Variants in ATRNL1 observed in about 807,000 individuals in gnomAD.
ATRNL1 encodes the protein attractin like 1.
In ATRNL1, 95 loss-of-function variants were observed where a neutral mutation model predicts 182.7. The ratio of observed to expected loss-of-function variants is 0.52; its 90% CI spans 0.44 to 0.62. The LOEUF (loss-of-function observed/expected upper bound fraction) is 0.62. Among genes scored for constraint, ATRNL1 ranks in the 20% least tolerant of loss-of-function variants. ATRNL1 has a pLI of 0.00. For missense variants in ATRNL1, 1,471 were observed against 1,679.5 expected (o/e 0.88, Z 2.17); for synonymous variants, 576 against 568.3 (o/e 1.01, Z -0.19).
intron 26 of ATRNL1, among the ~76,000 whole-genome samples, chr10:115,702,743 A>C (rs1555051914): frequency 6.6e-6 from 1 of 151,968 alleles, no homozygotes; most frequent in Non-Finnish European, 1.5e-5. Context: ...AGGAGGTGAA[A>C]GATCTCTACA....
intron 8 of ATRNL1, among the ~76,000 whole-genome samples, chr10:115,180,806 T>C (rs1554887719): frequency 2.6e-5 from 4 of 151,868 alleles, no homozygotes; most frequent in Admixed American, 2.0e-4. Context: ...GTTAATACTG[T>C]ATGTGTGTGC....
intron 19 of ATRNL1, among the ~76,000 whole-genome samples, chr10:115,379,065 T>A (rs1403397538): frequency 2.0e-5 from 3 of 152,272 alleles, no homozygotes; most frequent in Middle Eastern, 3.4e-3. Context: ...TTCAATAACT[T>A]TTTTTGCATC....
intron 26 of ATRNL1, among the ~76,000 whole-genome samples, chr10:115,641,217 C>G (rs576675751): frequency 6.6e-6 from 1 of 152,258 alleles, no homozygotes; most frequent in South Asian, 2.1e-4. Flanking sequence ...ATAGTTGTAA[C>G]ATTATATTAA....
intron 27 of ATRNL1, among the ~76,000 whole-genome samples, chr10:115,799,789 T>C (rs1278604464): frequency 6.6e-6 from 1 of 152,220 alleles, no homozygotes; most frequent in Non-Finnish European, 1.5e-5. Context: ...GCACTACTTA[T>C]TGCATTATGG....
At chr10:115,554,428 A>G (rs1396972446) in intron 26 of ATRNL1, among the ~76,000 whole-genome samples, 2 of 151,606 alleles carry the variant, frequency 1.3e-5, no homozygotes, top group African/African-American at 4.8e-5. Flanking sequence ...AATAACTGAT[A>G]CTTACCTTGT....
chr10:115,184,398 A>G (rs1163587974), intron 8 of ATRNL1, among the ~76,000 whole-genome samples: 4 of 151,482 alleles, frequency 2.6e-5, no homozygotes, highest in African/African-American at 4.8e-5. Flanking sequence ...CTATGTATAT[A>G]ACTATATATA....
intron 20 of ATRNL1, among the ~76,000 whole-genome samples, chr10:115,401,857 A>G (rs1354464901): frequency 2.0e-5 from 3 of 152,152 alleles, no homozygotes; most frequent in Non-Finnish European, 4.4e-5. Flanking sequence ...TACCGCATAC[A>G]TTTTATATTA....
chr10:115,516,022 A>G (rs1220848030), intron 24 of ATRNL1, among the ~76,000 whole-genome samples: 1 of 151,760 alleles, frequency 6.6e-6, no homozygotes, highest in Non-Finnish European at 1.5e-5. Flanking sequence ...TCTGTCTCCT[A>G]GGGACTATCA....
chr10:115,606,221 A>C (rs1205770297), intron 26 of ATRNL1, among the ~76,000 whole-genome samples: 1 of 152,030 alleles, frequency 6.6e-6, no homozygotes, highest in Non-Finnish European at 1.5e-5. Flanking sequence ...TTCAGATAGC[A>C]ATTGTACACA....
At chr10:115,187,057 A>G (rs1400940591) in intron 8 of ATRNL1, among the ~76,000 whole-genome samples, 3 of 152,132 alleles carry the variant, frequency 2.0e-5, no homozygotes, top group Admixed American at 6.6e-5. Context: ...TAAAACTACA[A>G]TGATCTATGA....
chr10:115,286,587 A>T (rs1276926660), intron 15 of ATRNL1, among the ~76,000 whole-genome samples, 190 bp downstream of exon 15: 3 of 152,024 alleles, frequency 2.0e-5, no homozygotes, highest in Non-Finnish European at 4.4e-5. Context: ...GTAAATTATC[A>T]CTTTTTGCAG....
intron 26 of ATRNL1, among the ~76,000 whole-genome samples, chr10:115,561,770 T>C (rs1853765240): frequency 6.6e-6 from 1 of 151,250 alleles, no homozygotes; most frequent in South Asian, 2.1e-4. Flanking sequence ...CTCAACAATG[T>C]TAGCATTAGC....
intron 20 of ATRNL1, among the ~76,000 whole-genome samples, chr10:115,417,443 T>C (rs1032972592): frequency 2.6e-5 from 4 of 152,220 alleles, no homozygotes; most frequent in African/African-American, 9.6e-5. Flanking sequence ...AGTACCCAGG[T>C]TGTCATCTCA....
intron 27 of ATRNL1, among the ~76,000 whole-genome samples, chr10:115,731,273 A>G (rs1240384982): frequency 2.0e-5 from 3 of 152,138 alleles, no homozygotes; most frequent in Non-Finnish European, 2.9e-5. Flanking sequence ...ATCGGTACCA[A>G]TCTATCCAGG....
chr10:115,222,535 T>C (rs1554897676), intron 9 of ATRNL1, among the ~76,000 whole-genome samples: 1 of 151,880 alleles, frequency 6.6e-6, no homozygotes, highest in Non-Finnish European at 1.5e-5. Flanking sequence ...AACCAAAACA[T>C]GAAGACAAAA....
intron 26 of ATRNL1, among the ~76,000 whole-genome samples, chr10:115,659,730 ATG>A (rs1860557039): frequency 1.3e-5 from 2 of 152,162 alleles, no homozygotes; most frequent in Non-Finnish European, 1.5e-5. Context: ...GTCTCAAAGA[ATG>A]TGAAATCCAA....
chr10:115,318,131 T>C (rs1854396604), intron 18 of ATRNL1, among the ~76,000 whole-genome samples: 1 of 152,174 alleles, frequency 6.6e-6, no homozygotes, highest in African/African-American at 2.4e-5. Flanking sequence ...AAAGGCCTTT[T>C]CTGCATCTAT....
chr10:115,204,006 T>C (rs546123029), intron 8 of ATRNL1, among the ~76,000 whole-genome samples: 17 of 152,056 alleles, frequency 1.1e-4, no homozygotes, highest in Non-Finnish European at 1.9e-4. Context: ...TGGTAGATTA[T>C]ATCTTGGAGA....
At chr10:115,410,626 C>T (rs1405824510) in intron 20 of ATRNL1, among the ~76,000 whole-genome samples, 1 of 151,772 alleles carries the variant, frequency 6.6e-6, no homozygotes, top group Non-Finnish European at 1.5e-5. Flanking sequence ...GCCTCTCTCT[C>T]TCTGTTTTAA....
Sources: allele counts gnomAD v4.1 joint callset (sites outside exome capture counted in the v4.1 genomes callset), GRCh38; gene constraint gnomAD v4.1.1; transcripts MANE v1.5; gene names NCBI Gene and HGNC (gene_info 2026-07-23, HGNC 2026-07-21).